Variants in OR3A2 observed in about 807,000 individuals in gnomAD.
The protein encoded by OR3A2 is olfactory receptor family 3 subfamily A member 2, also known as olfactory receptor 3A2.
For synonymous variants in OR3A2, 126 were observed against 159.3 expected, an observed-to-expected ratio of 0.79 and a Z score of 1.57; for missense variants, 318 against 392.8, an observed-to-expected ratio of 0.81 and a Z score of 1.61.
At chr17:3,322,941 C>T (rs9886662) in intron 3 of OR3A2, among the ~76,000 whole-genome samples, 1 of 152,048 alleles carries the variant, frequency 6.6e-6, no homozygotes, top group Non-Finnish European at 1.5e-5. Context: ...AACTTTGTCT[C>T]GTTGATCTGT....
chr17:3,329,598 CTCTT>C (rs1259763787), intron 3 of OR3A2, among the ~76,000 whole-genome samples: 14 of 140,666 alleles, frequency 1.0e-4, no homozygotes, highest in African/African-American at 3.8e-4. Flanking sequence ...TGATTCTTCT[CTCTT>C]TTTTTCTTTA....
intron 2 of OR3A2, among the ~76,000 whole-genome samples, chr17:3,358,041 TC>T (rs1451196396): frequency 6.6e-6 from 1 of 151,678 alleles, no homozygotes; most frequent in Non-Finnish European, 1.5e-5. Flanking sequence ...CATTTTCTGA[TC>T]CAGACGAGGT....
At chr17:3,316,415 T>A (rs528001631) in intron 3 of OR3A2, among the ~76,000 whole-genome samples, 5 of 152,320 alleles carry the variant, frequency 3.3e-5, no homozygotes, top group Admixed American at 6.5e-5. Flanking sequence ...TTGGAGATGA[T>A]CTCACACACA....
chr17:3,346,940 G>C (rs1228709662), intron 2 of OR3A2, among the ~76,000 whole-genome samples: 1 of 152,078 alleles, frequency 6.6e-6, no homozygotes, highest in Non-Finnish European at 1.5e-5. Flanking sequence ...TTTGTCTGTT[G>C]ATGGACACTT....
intron 2 of OR3A2, among the ~76,000 whole-genome samples, chr17:3,344,318 C>T (rs2049345177): frequency 1.0e-5 from 1 of 98,386 alleles, no homozygotes. Context: ...AGAAGATTTT[C>T]AGCAATTTAG....
At chr17:3,300,527 C>T (rs1453334650) in intron 3 of OR3A2, among the ~76,000 whole-genome samples, 1 of 151,986 alleles carries the variant, frequency 6.6e-6, no homozygotes, top group Non-Finnish European at 1.5e-5. Flanking sequence ...CCACTGCACT[C>T]CAACCTGGGC....
chr17:3,360,990 T>A (rs1319939430), intron 2 of OR3A2, among the ~76,000 whole-genome samples: 1 of 151,490 alleles, frequency 6.6e-6, no homozygotes, highest in African/African-American at 2.5e-5. Context: ...TGGCATTGAA[T>A]CTATAAATTA....
At chr17:3,330,819 A>G (rs2049225703) in intron 3 of OR3A2, among the ~76,000 whole-genome samples, 1 of 151,818 alleles carries the variant, frequency 6.6e-6, no homozygotes, top group Non-Finnish European at 1.5e-5. Context: ...GATGGTCTTT[A>G]AATTTTGGCA....
intron 3 of OR3A2, among the ~76,000 whole-genome samples, chr17:3,328,761 G>T (rs1159364616): frequency 2.1e-5 from 3 of 143,030 alleles, no homozygotes; most frequent in South Asian, 2.3e-4. Flanking sequence ...AGAGTTTTTA[G>T]CATGAAGGGT....
intron 1 of OR3A2, 21 bp downstream of exon 1, chr17:3,386,104 A>G (rs1242793091): frequency 5.0e-6 from 2 of 398,374 alleles, no homozygotes; most frequent in African/African-American, 2.1e-5. Flanking sequence ...CCGCTCCCCC[A>G]TGTATTACTT....
intron 1 of OR3A2, among the ~76,000 whole-genome samples, chr17:3,283,653 G>A (rs2048790692): frequency 6.6e-6 from 1 of 152,172 alleles, no homozygotes; most frequent in African/African-American, 2.4e-5. Flanking sequence ...CTTTAGGGGA[G>A]GTCCAGGTTA....
chr17:3,306,795 C>T (rs866198481), intron 3 of OR3A2, among the ~76,000 whole-genome samples: 1 of 102,330 alleles, frequency 9.8e-6, no homozygotes, highest in East Asian at 2.1e-4. Flanking sequence ...GACTAAGAAC[C>T]ACTTAAAATC....
At chr17:3,322,710 A>G (rs932217651) in intron 3 of OR3A2, among the ~76,000 whole-genome samples, 1 of 152,104 alleles carries the variant, frequency 6.6e-6, no homozygotes, top group African/African-American at 2.4e-5. Context: ...TCTGAGTTCT[A>G]GTTTGATTGC....
intron 3 of OR3A2, chr17:3,291,844 G>T: frequency 6.2e-7 from 1 of 1,614,046 alleles, no homozygotes. Context: ...ACAGTGAGGT[G>T]GGAGCCACAT....
intron 2 of OR3A2, among the ~76,000 whole-genome samples, chr17:3,379,668 G>C (rs555271217): frequency 2.0e-5 from 3 of 152,196 alleles, no homozygotes; most frequent in African/African-American, 7.2e-5. Flanking sequence ...GCTCTTCCCC[G>C]AGCAGAGGAA....
Position 3,378,619 on chromosome 17 carries a change from C to T in OR3A2, c.-179+5185G>A, listed in dbSNP as rs230405. 2.5e-3 allele frequency among the ~76,000 whole-genome samples: 377 copies of T among 152,236 alleles called. 2 individuals are homozygous for T. Among genetic ancestry groups the T allele is most frequent in the African/African-American group, 8.4e-3 (350 of 41,528 alleles). On this transcript the variant is annotated intron_variant, in intron 2 of 4. Coordinates refer to the OR3A2 transcript ENST00000573491. ...CAGCCCCTGCCAGCTCCACCGAGCA[C>T]GCAGCCCTGGCCGCACCTCCCCTGC...
chr17:3,293,687 C>A (rs539398724), intron 3 of OR3A2, among the ~76,000 whole-genome samples: 2 of 152,178 alleles, frequency 1.3e-5, no homozygotes, highest in Admixed American at 6.5e-5. Context: ...TGTTACCTGG[C>A]AAAGACATGG....
intron 3 of OR3A2, among the ~76,000 whole-genome samples, chr17:3,305,572 T>G (rs1385536476): frequency 6.7e-6 from 1 of 150,172 alleles, no homozygotes; most frequent in Non-Finnish European, 1.5e-5. Context: ...AATACTTTGT[T>G]GTATTATTAT....
intron 1 of OR3A2, among the ~76,000 whole-genome samples, chr17:3,283,996 G>A (rs1005345959): frequency 5.5e-5 from 8 of 145,522 alleles, no homozygotes; most frequent in African/African-American, 2.1e-4. Context: ...CTCCCCTTAC[G>A]AGCTGTGACA....
Sources: allele counts gnomAD v4.1 joint callset (sites outside exome capture counted in the v4.1 genomes callset), GRCh38; gene constraint gnomAD v4.1.1; transcripts MANE v1.5; gene names NCBI Gene and HGNC (gene_info 2026-07-23, HGNC 2026-07-21).